DIPK1B: variants seen among roughly 807,000 people sequenced by gnomAD.
The protein encoded by DIPK1B is family with sequence similarity 69 member B.
In DIPK1B, 17 loss-of-function variants were observed where a neutral mutation model predicts 20.7. The observed-to-expected ratio is 0.82, with a 90% CI of 0.56 to 1.23. The LOEUF is 1.23. DIPK1B is among the 50% of genes most tolerant of loss of function. DIPK1B has a pLI of 0.00. For missense variants in DIPK1B, 648 were observed against 601.8 expected, an observed-to-expected ratio of 1.08 and a Z score of -0.80; for synonymous variants, 343 against 276.5, an observed-to-expected ratio of 1.24 and a Z score of -2.39.
intron 2 of DIPK1B, chr9:136,721,698 G>GGGACC: frequency 1.8e-6 from 1 of 553,092 alleles, no homozygotes; most frequent in South Asian, 2.1e-5. Flanking sequence ...TGGTGGGGAC[G>GGGACC]GGACCGGACC....
At chr9:136,722,802 G>A (rs1846629865) in intron 4 of DIPK1B, 160 bp from the exon 5 acceptor site, 3 of 708,704 alleles carry the variant, frequency 4.2e-6, no homozygotes, top group Non-Finnish European at 4.6e-6. Context: ...ATTGCTGGCT[G>A]CGTCCTCCAC....
At chr9:136,720,473 C>G (rs1021473792) in intron 2 of DIPK1B, among the ~76,000 whole-genome samples, 2 of 151,964 alleles carry the variant, frequency 1.3e-5, no homozygotes, top group Non-Finnish European at 2.9e-5. Flanking sequence ...GGAATTCTCC[C>G]CCCCCCAGAG....
intron 2 of DIPK1B, chr9:136,721,628 G>A (rs1024384038): frequency 4.4e-5 from 18 of 410,132 alleles, no homozygotes; most frequent in African/African-American, 3.0e-4. Context: ...ACTGGGTGTG[G>A]TGTGTGTCTC....
In DIPK1B at chr9:136,722,575, G is replaced by T. The variant is rs1846624319; in HGVS notation, c.483+274G>T. On this transcript the variant is annotated intron_variant, in intron 4 of 4. Transcript: ENST00000371692. ...GGGCCGTGTGTCCAGCAGGGCAGGT[G>T]CCCCGAATGGAGACCAGGGCTTGTG... is the stretch of plus-strand genomic sequence containing the variant. 1.2e-5 allele frequency: 7 copies of T among 570,958 alleles called. No homozygotes were observed. In the Admixed American group the frequency reaches 1.2e-4, roughly 10 times the overall value. The allele number at this position is 570,958 out of a possible 1,614,324, so 35.4% of individuals were successfully genotyped here. A position where few individuals can be genotyped will look rare whatever the true frequency, so the allele number is the denominator to read the frequency against.
Position 136,716,754 on chromosome 9 carries a change from C to T in DIPK1B, c.64-823C>T, listed in dbSNP as rs192370999. 1.2e-3 allele frequency among the ~76,000 whole-genome samples: 182 copies of T among 152,224 alleles called. 2 individuals carry two copies. Among genetic ancestry groups the T allele is most frequent in the Admixed American group, 0.011 (167 of 15,280 alleles). On this transcript the variant is annotated intron_variant, in intron 1 of 4. Coordinates refer to ENST00000371692, the MANE Select transcript of DIPK1B (RefSeq NM_152421.4). ...GTGGCTGCGTTGGGCTCCTAGGGCCCCGTTCTCCAAACCTGGTTCTCCTTG... is the reference window on the plus strand; with the variant it reads ...GTGGCTGCGTTGGGCTCCTAGGGCCTCGTTCTCCAAACCTGGTTCTCCTTG...
Position 136,722,224 on chromosome 9 carries a change from G to A in DIPK1B, c.406G>A (p.Glu136Lys), listed in dbSNP as rs750489940. 5 of 1,614,004 alleles carry A rather than the reference G, an allele frequency of 3.1e-6. No homozygotes were observed. Among genetic ancestry groups the A allele is most frequent in the Middle Eastern group, 3.3e-4 (2 of 6,060 alleles). Residue 136 changes from glutamate (E) to lysine (K), a missense_variant, in exon 4 of 5, where the codon GAG becomes AAG. Physicochemically the swap from Glu to Lys is moderately conservative, Grantham distance 56. Transcript: ENST00000371692. ...CCGGTCGGATGCGGCCCCCCGGCGG[G>A]AGCTGGTACTGTTTGACAAGCCCAC... Reference protein sequence around the residue: ...KARSDAAPRRELVLFDKPTRG... With the variant: ...KARSDAAPRRKLVLFDKPTRG...
chr9:136,723,417 G>A lies in DIPK1B; in HGVS notation c.939G>A (p.Met313Ile). 1 of 1,612,594 alleles carries A rather than the reference G, an allele frequency of 6.2e-7. No individual in the cohort carries two copies. Among genetic ancestry groups the A allele is most frequent in the Non-Finnish European group, 8.5e-7 (1 of 1,179,532 alleles). ...VGYTATYDFK[M>I]ADLQQVAPEA... ...ACACAGCCACCTACGACTTCAAGAT[G>A]GCCGACCTGCAGCAGGTGGCACCCG... Residue 313 changes from methionine (M) to isoleucine (I), a missense_variant, in exon 5 of 5, where the codon ATG (methionine) becomes ATA (isoleucine). Met to Ile is a conservative substitution (Grantham distance 10). Transcript: ENST00000371692.
chr9:136,722,399 G>C, intron 4 of DIPK1B, 98 bp downstream of exon 4: 1 of 1,361,394 alleles, frequency 7.3e-7, no homozygotes, highest in Non-Finnish European at 1.0e-6. Context: ...CAAAGGCACA[G>C]ATGGGCCCAA....
At chr9:136,721,779 C>A in intron 2 of DIPK1B, 142 bp from the exon 3 acceptor site, 2 of 710,138 alleles carry the variant, frequency 2.8e-6, no homozygotes, top group East Asian at 2.7e-5. Context: ...GACCCAGGGC[C>A]CCGGCACTGC....
Position 136,723,821 on chromosome 9 carries a change from C to T in DIPK1B, c.*47C>T, listed in dbSNP as rs1371105562. ...CACCCTTCCTGGAGCTGGCCAGGTGCCAGGGTCCAACCCTCCCTCAAGGAA... is the reference window on the plus strand; with the variant it reads ...CACCCTTCCTGGAGCTGGCCAGGTGTCAGGGTCCAACCCTCCCTCAAGGAA... On this transcript the variant is annotated 3_prime_UTR_variant, in exon 5 of 5. Transcript: ENST00000371692. The T allele has an allele frequency of 4.0e-6, 6 of 1,505,332 alleles. No homozygotes were observed. The highest frequency in any genetic ancestry group is 2.0e-5 in the Admixed American group (1 of 49,498). The allele number at this position is 1,505,332 out of a possible 1,614,324, so 93.2% of individuals were successfully genotyped here.
intron 2 of DIPK1B, among the ~76,000 whole-genome samples, chr9:136,718,806 G>C (rs1009499330): frequency 6.6e-6 from 1 of 152,194 alleles, no homozygotes; most frequent in South Asian, 2.1e-4. Context: ...GCCTGGGCAG[G>C]CCTGTGTCCC....
At position 136,723,992 on chromosome 9, in the gene DIPK1B, T is replaced by G. The variant is rs1588287650; in HGVS notation, c.*218T>G. Reference sequence around the variant, plus strand: ...CCGGCAGGAGAGTCCTCCAAGGGGGTTTGTTACTCTGAAGAACGTAATGTC... The same window carrying G: ...CCGGCAGGAGAGTCCTCCAAGGGGGGTTGTTACTCTGAAGAACGTAATGTC... On this transcript the variant is annotated 3_prime_UTR_variant, in exon 5 of 5. Coordinates refer to ENST00000371692, the MANE Select transcript of DIPK1B (RefSeq NM_152421.4). 5.1e-6 allele frequency: 3 copies of G among 591,840 alleles called. No individual in the cohort carries two copies. The highest frequency in any genetic ancestry group is 9.0e-6 in the Non-Finnish European group (3 of 334,002). 36.7% of individuals were successfully genotyped at this position (591,840 alleles called of 1,614,324 possible).
In DIPK1B at chr9:136,723,622, C is replaced by A. The variant is rs1384850891; in HGVS notation, c.1144C>A (p.Pro382Thr). 6.3e-7 allele frequency: 1 copy of A among 1,580,656 alleles called. No homozygotes were observed. The highest frequency in any genetic ancestry group is 1.8e-5 in the Admixed American group (1 of 55,464). ...LLRGYLLPGA[P>T]ADLREELGTQ... ...ACGGGGCTACCTGCTGCCTGGCGCG[C>A]CCGCCGACCTCCGCGAGGAGCTGGG... Residue 382 changes from proline (P) to threonine (T), a missense_variant, in exon 5 of 5, where the codon CCC becomes ACC. Transcript: ENST00000371692.
intron 2 of DIPK1B, among the ~76,000 whole-genome samples, chr9:136,720,001 T>G (rs1365530422): frequency 3.7e-5 from 4 of 109,100 alleles, no homozygotes; most frequent in African/African-American, 1.2e-4. Flanking sequence ...GGCTCTGGGT[T>G]CAGGGGGCTG....
At chr9:136,721,878 G>A in intron 2 of DIPK1B, 43 bp from the exon 3 acceptor site, 1 of 1,572,534 alleles carries the variant, frequency 6.4e-7, no homozygotes, top group South Asian at 1.1e-5. Context: ...GTGGGGCAGG[G>A]GTGTGGCTGC....
intron 2 of DIPK1B, among the ~76,000 whole-genome samples, chr9:136,718,885 G>C (rs1401744778): frequency 6.6e-6 from 1 of 152,208 alleles, no homozygotes; most frequent in African/African-American, 2.4e-5. Context: ...CTGGGGTGTG[G>C]GGTCCGGAGC....
In DIPK1B at chr9:136,723,548, G is replaced by C. The variant is rs1479563590; in HGVS notation, c.1070G>C (p.Cys357Ser). ...RAPCDRLMRQ[C>S]KGDLIQPNLA... ...CCGTGTGACAGGCTCATGAGGCAGTGCAAGGGCGACCTCATCCAGCCCAAC... is the reference window on the plus strand; with the variant it reads ...CCGTGTGACAGGCTCATGAGGCAGTCCAAGGGCGACCTCATCCAGCCCAAC... The change falls in exon 5 of 5, where the codon TGC becomes TCC. Residue 357 changes from cysteine to serine, a missense_variant. Coordinates refer to ENST00000371692, the MANE Select transcript of DIPK1B (RefSeq NM_152421.4). The C allele has an allele frequency of 6.3e-6, 10 of 1,598,668 alleles. No homozygotes were observed. Among genetic ancestry groups the C allele is most frequent in the Non-Finnish European group, 8.5e-6 (10 of 1,173,058 alleles).
chr9:136,722,210 C>CG lies in DIPK1B; in HGVS notation c.394dup (p.Ala132GlyfsTer10), dbSNP rs1564310580. 1 of 1,613,832 alleles carries CG rather than the reference C, an allele frequency of 6.2e-7. No homozygotes were observed. Among genetic ancestry groups the CG allele is most frequent in the Non-Finnish European group, 8.5e-7 (1 of 1,179,994 alleles). ...CTCGACTCCAAGGCCCGGTCGGATG[C>CG]GGCCCCCCGGCGGGAGCTGGTACTG... On this transcript the variant is annotated frameshift_variant, in exon 4 of 5. Coordinates refer to ENST00000371692, the MANE Select transcript of DIPK1B (RefSeq NM_152421.4). LOFTEE classifies it high-confidence loss of function.
chr9:136,722,317 TA>T lies in DIPK1B; in HGVS notation c.483+17del, dbSNP rs1564310732. On this transcript the variant is annotated intron_variant, in intron 4 of 4. Coordinates refer to ENST00000371692, the MANE Select transcript of DIPK1B (RefSeq NM_152421.4). ...CTTCCTCAAGGTCAGGCAGCTCTCC[TA>T]GGGGGCAGGGCAGGAGTCCACACCA... is the stretch of plus-strand genomic sequence containing the variant. 1.9e-6 allele frequency: 3 copies of T among 1,606,980 alleles called. No homozygotes were observed. The South Asian group carries it at 3.3e-5, about 18-fold the overall frequency.
Sources: gnomAD v4.1 joint callset for allele counts (sites outside exome capture counted in the v4.1 genomes callset) on GRCh38, gnomAD v4.1.1 for gene constraint, MANE v1.5 for transcripts, NCBI Gene and HGNC (gene_info 2026-07-23, HGNC 2026-07-21) for gene names.